ZNF469: variants seen among roughly 807,000 people sequenced by gnomAD.
ZNF469 encodes zinc finger protein 469.
A neutral mutation model predicts 1.0 loss-of-function variants in ZNF469; 1 was observed. The ratio of observed to expected loss-of-function variants is 1.00; its 90% CI spans 0.35 to 4.73. The LOEUF (loss-of-function observed/expected upper bound fraction) is 4.73, where lower values mean the gene tolerates loss of function less well. ZNF469 is among the 30% of genes most tolerant of loss of function. The pLI is 0.16. For synonymous variants in ZNF469, 2,703 were observed against 2,363.4 expected (o/e 1.14, Z -4.17); for missense variants, 6,100 against 5,356.3 (o/e 1.14, Z -4.33).
the ZNF469 span, among the ~76,000 whole-genome samples, chr16:88,119,574 G>C: frequency 1.3e-5 from 2 of 152,224 alleles, no homozygotes; most frequent in Admixed American, 6.5e-5. Flanking sequence ...ACCTGCTCCT[G>C]GGTCACGGGG....
chr16:88,282,401 G>A, the ZNF469 span, among the ~76,000 whole-genome samples: 1 of 152,180 alleles, frequency 6.6e-6, no homozygotes, highest in East Asian at 1.9e-4. Flanking sequence ...GGTGTGTCTG[G>A]GTGTGGCGGG....
the ZNF469 span, among the ~76,000 whole-genome samples, chr16:88,376,381 G>A: frequency 3.5e-3 from 532 of 152,368 alleles, 3 homozygotes; most frequent in African/African-American, 0.012. Context: ...GGGGACGTCC[G>A]GGGTGAGAGG....
the ZNF469 span, among the ~76,000 whole-genome samples, chr16:88,317,047 A>G: frequency 6.6e-6 from 1 of 152,166 alleles, no homozygotes; most frequent in Non-Finnish European, 1.5e-5. Context: ...TAAACTGTAG[A>G]TGGTGGGGCT....
the ZNF469 span, among the ~76,000 whole-genome samples, chr16:88,250,409 A>G: frequency 6.6e-6 from 1 of 152,234 alleles, no homozygotes; most frequent in Non-Finnish European, 1.5e-5. Flanking sequence ...ATTGCTGAAT[A>G]GTATTTCATT....
chr16:88,311,390 A>C, the ZNF469 span, among the ~76,000 whole-genome samples: 4 of 152,186 alleles, frequency 2.6e-5, no homozygotes, highest in Non-Finnish European at 5.9e-5. Flanking sequence ...TGTAATGTAC[A>C]TTTACACAGC....
the ZNF469 span, among the ~76,000 whole-genome samples, chr16:88,133,959 G>A: frequency 5.3e-5 from 8 of 152,220 alleles, no homozygotes; most frequent in African/African-American, 1.9e-4. Flanking sequence ...GCTGAGCATG[G>A]TGGTGGGCGC....
intron 1 of ZNF469, among the ~76,000 whole-genome samples, chr16:88,393,938 T>C (rs1280931163): frequency 6.6e-6 from 1 of 152,220 alleles, no homozygotes; most frequent in Non-Finnish European, 1.5e-5. Context: ...GGGCTCATGC[T>C]ACACCTCTGC....
chr16:88,174,624 C>T, the ZNF469 span, among the ~76,000 whole-genome samples: 2 of 148,924 alleles, frequency 1.3e-5, no homozygotes, highest in Admixed American at 1.3e-4. Context: ...TTAGTCCCCT[C>T]TTCTTCCTCC....
the ZNF469 span, among the ~76,000 whole-genome samples, chr16:88,275,295 T>A: frequency 1.3e-5 from 2 of 152,300 alleles, no homozygotes; most frequent in Non-Finnish European, 2.9e-5. Flanking sequence ...ACAGCCACCA[T>A]GCAAAGACCC....
the ZNF469 span, among the ~76,000 whole-genome samples, chr16:88,181,968 C>G: frequency 6.6e-6 from 1 of 152,176 alleles, no homozygotes; most frequent in African/African-American, 2.4e-5. Context: ...TCAACATGAT[C>G]ATCGATGTAG....
the ZNF469 span, among the ~76,000 whole-genome samples, chr16:88,314,174 G>A: frequency 7.6e-6 from 1 of 130,900 alleles, no homozygotes; most frequent in South Asian, 2.8e-4. Context: ...CAGTGCTGGT[G>A]TGGACTGTCA....
the ZNF469 span, among the ~76,000 whole-genome samples, chr16:88,216,351 G>A: frequency 9.2e-5 from 14 of 152,058 alleles, no homozygotes; most frequent in African/African-American, 2.2e-4. Context: ...AAAATTAGCC[G>A]GGCGCGGTGG....
At chr16:88,229,292 G>A in the ZNF469 span, among the ~76,000 whole-genome samples, 2 of 152,216 alleles carry the variant, frequency 1.3e-5, no homozygotes, top group African/African-American at 2.4e-5. Flanking sequence ...AGCCTCCTCC[G>A]CGAGCAGCCC....
the ZNF469 span, among the ~76,000 whole-genome samples, chr16:88,279,762 T>A: frequency 2.9e-3 from 433 of 148,194 alleles, no homozygotes; most frequent in African/African-American, 0.01. Context: ...CAGTACCGTG[T>A]AGATATCAGT....
chr16:88,332,016 G>A, the ZNF469 span, among the ~76,000 whole-genome samples: 1 of 152,212 alleles, frequency 6.6e-6, no homozygotes, highest in Non-Finnish European at 1.5e-5. Context: ...AGCTGGGTTT[G>A]ACCCTCTGTC....
chr16:88,199,205 C>G, the ZNF469 span, among the ~76,000 whole-genome samples: 14 of 152,206 alleles, frequency 9.2e-5, no homozygotes, highest in African/African-American at 3.4e-4. Flanking sequence ...GCACCGCCCA[C>G]CTGGCAGATG....
chr16:88,230,365 A>T, the ZNF469 span, among the ~76,000 whole-genome samples: 1 of 152,150 alleles, frequency 6.6e-6, no homozygotes, highest in East Asian at 1.9e-4. Flanking sequence ...AGGCCTTGGG[A>T]GCAAGATTTG....
the ZNF469 span, chr16:88,192,227 G>A: frequency 2.0e-5 from 3 of 152,364 alleles, no homozygotes; most frequent in Admixed American, 6.5e-5. Context: ...GGAAGCGTTC[G>A]GGGTGAGCAT....
chr16:88,110,387 C>G, the ZNF469 span, among the ~76,000 whole-genome samples: 1 of 152,274 alleles, frequency 6.6e-6, no homozygotes, highest in African/African-American at 2.4e-5. Context: ...TGGCTGCTGC[C>G]CAGCCTACCA....
Sources: gnomAD v4.1 joint callset for allele counts (sites outside exome capture counted in the v4.1 genomes callset) on GRCh38, gnomAD v4.1.1 for gene constraint, MANE v1.5 for transcripts, NCBI Gene and HGNC (gene_info 2026-07-23, HGNC 2026-07-21) for gene names.